The following METTL8 variants were observed in gnomAD, a reference collection of about 807,000 sequenced individuals.
METTL8 encodes the protein tRNA N(3)-cytidine methyltransferase METTL8, mitochondrial.
METTL8 carries 32 observed loss-of-function variants against 48.7 expected under a neutral mutation model. The ratio of observed to expected loss-of-function variants is 0.66; its 90% CI spans 0.50 to 0.88. METTL8 has a LOEUF of 0.88. METTL8 is among the 40% of genes least tolerant of loss of function. METTL8 has a pLI of 0.00. For missense variants in METTL8, 464 were observed against 474.4 expected (o/e 0.98, Z 0.20); for synonymous variants, 136 against 157.1 (o/e 0.87, Z 1.01).
intron 5 of METTL8, chr2:171,332,363 C>T (rs1685635718): frequency 6.5e-6 from 1 of 154,584 alleles, no homozygotes; most frequent in Admixed American, 6.3e-5. Flanking sequence ...TCACTACAGC[C>T]TCGACCTCTG....
chr2:171,433,808 T>A (rs1693455480), intron 1 of METTL8, 75 bp downstream of exon 1: 1 of 152,420 alleles, frequency 6.6e-6, no homozygotes, highest in Non-Finnish European at 1.5e-5. Flanking sequence ...GAAGCCAGCA[T>A]CTTCCTAATA....
At position 171,360,584 on chromosome 2, in the gene METTL8, C is replaced by T. The variant is rs1280479099; in HGVS notation, c.144-71G>A. 2.3e-6 allele frequency: 3 copies of T among 1,277,960 alleles called. No homozygotes were observed. In the African/African-American group the frequency reaches 4.5e-5, roughly 19 times the overall value. 79.2% of individuals were successfully genotyped at this position (1,277,960 alleles called of 1,614,324 possible). A position where few individuals can be genotyped will look rare whatever the true frequency, so the allele number is the denominator to read the frequency against. On this transcript the variant is annotated intron_variant, in intron 2 of 9. Coordinates refer to ENST00000375258, the MANE Select transcript of METTL8 (RefSeq NM_001321154.2). ...AGGCAGAAAAAAGGTGACAAGGAAC[C>T]ACATCTTTCATTCTAGATTAGCTGA...
intron 2 of METTL8, among the ~76,000 whole-genome samples, chr2:171,381,259 G>A (rs983282832): frequency 1.3e-5 from 2 of 152,122 alleles, no homozygotes; most frequent in African/African-American, 4.8e-5. Flanking sequence ...ATTAGCTCAA[G>A]GTGGATTTAA....
intron 1 of METTL8, among the ~76,000 whole-genome samples, chr2:171,414,405 G>A (rs1422715384): frequency 2.8e-5 from 4 of 143,626 alleles, no homozygotes; most frequent in East Asian, 4.1e-4. Context: ...CAACAAGAGC[G>A]AAACTCCGTC....
In METTL8 at chr2:171,380,231, C is replaced by T. The variant is rs143501731; in HGVS notation, c.143+11812G>A. On this transcript the variant is annotated intron_variant, in intron 2 of 9. Transcript: ENST00000375258. ...TGTTAAAAACTCTCAATGAACTAGG[C>T]ATTGATGGAACATATCTCAAAATAA... Among the ~76,000 whole-genome samples the T allele has an allele frequency of 1.4e-3, 212 of 152,208 alleles. 4 individuals carry two copies. The East Asian group carries it at 0.015, about 11-fold the overall frequency.
At chr2:171,408,050 T>C (rs1222220051) in intron 1 of METTL8, among the ~76,000 whole-genome samples, 1 of 152,220 alleles carries the variant, frequency 6.6e-6, no homozygotes, top group Non-Finnish European at 1.5e-5. Flanking sequence ...AGTCACACTA[T>C]ACCGCTGTTA....
chr2:171,390,344 C>T (rs1401348970), intron 2 of METTL8, among the ~76,000 whole-genome samples: 2 of 152,236 alleles, frequency 1.3e-5, no homozygotes, highest in African/African-American at 4.8e-5. Flanking sequence ...AATATCCATT[C>T]TGCAGCCCTT....
intron 1 of METTL8, among the ~76,000 whole-genome samples, chr2:171,422,117 C>T (rs1293564891): frequency 6.6e-6 from 1 of 152,156 alleles, no homozygotes; most frequent in Admixed American, 6.5e-5. Flanking sequence ...TAAGTGGTCA[C>T]TTATCACCCC....
intron 3 of METTL8, among the ~76,000 whole-genome samples, chr2:171,348,057 G>A (rs1343740972): frequency 6.6e-6 from 1 of 152,136 alleles, no homozygotes; most frequent in Non-Finnish European, 1.5e-5. Context: ...CAGCTAATGA[G>A]GGCAGTCTCA....
At chr2:171,410,731 G>A (rs1690664353) in intron 1 of METTL8, among the ~76,000 whole-genome samples, 1 of 152,172 alleles carries the variant, frequency 6.6e-6, no homozygotes, top group Non-Finnish European at 1.5e-5. Flanking sequence ...TTCAGAGTAA[G>A]TTGTTGTTCT....
intron 1 of METTL8, among the ~76,000 whole-genome samples, chr2:171,414,264 G>A (rs1691053720): frequency 1.3e-5 from 2 of 151,892 alleles, no homozygotes; most frequent in South Asian, 2.1e-4. Context: ...CTAAAAATAC[G>A]AAATTAGCTG....
intron 3 of METTL8, among the ~76,000 whole-genome samples, chr2:171,350,148 T>A (rs1221401805): frequency 6.6e-6 from 1 of 152,162 alleles, no homozygotes; most frequent in Non-Finnish European, 1.5e-5. Flanking sequence ...GTGTGTGATG[T>A]TCCCCATCCT....
chr2:171,428,283 T>G lies in METTL8; in HGVS notation c.-13+5600A>C, dbSNP rs568272608. Among the ~76,000 whole-genome samples the G allele has an allele frequency of 3.9e-5, 6 of 152,318 alleles. No homozygotes were observed. The East Asian group carries it at 7.7e-4, about 20-fold the overall frequency. The stretch of plus-strand genomic sequence containing the variant: ...TTAAGGATTTAAGTTTTTTTGAAAG[T>G]TATTAATATTGTGACTTCCTACTGA... On this transcript the variant is annotated intron_variant, in intron 1 of 9. Transcript: ENST00000375258.
chr2:171,366,059 T>C (rs559225296), intron 2 of METTL8, among the ~76,000 whole-genome samples: 1 of 152,082 alleles, frequency 6.6e-6, no homozygotes, highest in African/African-American at 2.4e-5. Flanking sequence ...AGAGGGCCCC[T>C]GAAGTCTACA....
chr2:171,374,527 A>G (rs1392811706), intron 2 of METTL8, among the ~76,000 whole-genome samples: 1 of 152,202 alleles, frequency 6.6e-6, no homozygotes, highest in East Asian at 1.9e-4. Flanking sequence ...ACTGTATTCA[A>G]AGTGTACAAC....
At chr2:171,404,078 T>TATAA (rs1689927340) in intron 1 of METTL8, among the ~76,000 whole-genome samples, 2 of 116,828 alleles carry the variant, frequency 1.7e-5, no homozygotes, top group Admixed American at 7.9e-5. Context: ...TATATATATA[T>TATAA]ATATATATAT....
intron 1 of METTL8, among the ~76,000 whole-genome samples, chr2:171,416,331 G>A (rs551182939): frequency 1.2e-3 from 188 of 152,306 alleles, no homozygotes; most frequent in African/African-American, 4.5e-3. Flanking sequence ...CCATATCACA[G>A]GGATTCACCT....
At chr2:171,331,519 C>G (rs528166734) in intron 6 of METTL8, among the ~76,000 whole-genome samples, 1 of 151,840 alleles carries the variant, frequency 6.6e-6, no homozygotes, top group African/African-American at 2.4e-5. Flanking sequence ...CAGGTACAAG[C>G]GATTCTCGTG....
chr2:171,401,781 GA>G (rs1342644169), intron 1 of METTL8, among the ~76,000 whole-genome samples: 2 of 152,036 alleles, frequency 1.3e-5, no homozygotes, highest in Non-Finnish European at 2.9e-5. Context: ...ACGGAAGAAG[GA>G]AAAAAGCCTG....
Sources: gnomAD v4.1 joint callset for allele counts (sites outside exome capture counted in the v4.1 genomes callset) on GRCh38, gnomAD v4.1.1 for gene constraint, MANE v1.5 for transcripts, NCBI Gene and HGNC (gene_info 2026-07-23, HGNC 2026-07-21) for gene names.